Variants in MYPN observed in about 807,000 individuals in gnomAD.
MYPN encodes the protein sarcomeric protein myopalladin, 145 kDa (MYOP).
Under a neutral mutation model 129.4 loss-of-function variants are expected in MYPN, and 63 were observed. The ratio of observed to expected loss-of-function variants is 0.49; its 90% CI spans 0.40 to 0.60. MYPN has a LOEUF of 0.60. Ranked by LOEUF, MYPN falls within the 20% of genes least tolerant of loss-of-function variation. MYPN has a pLI of 0.00. For missense variants in MYPN, 1,596 were observed against 1,635.4 expected, an observed-to-expected ratio of 0.98 and a Z score of 0.42; for synonymous variants, 629 against 600.9, an observed-to-expected ratio of 1.05 and a Z score of -0.68.
At chr10:68,209,024 C>T (rs2043862763) in intron 19 of MYPN, among the ~76,000 whole-genome samples, 1 of 152,156 alleles carries the variant, frequency 6.6e-6, no homozygotes, top group South Asian at 2.1e-4. Flanking sequence ...TTTCTGAATT[C>T]ACTCAGAGGT....
rs1354222639 is a variant in MYPN, at chr10:68,211,707, T to C, written c.*1252T>C. ...AAATATTTGCTGGTTGAATGAATCT[T>C]CTGTTATTATGTCTATTATAAGATA... On this transcript the variant is annotated 3_prime_UTR_variant, in exon 20 of 20. Coordinates refer to ENST00000358913, the MANE Select transcript of MYPN (RefSeq NM_032578.4). 2.2e-6 allele frequency: 1 copy of C among 454,132 alleles called. No homozygotes were observed. Among genetic ancestry groups the C allele is most frequent in the Admixed American group, 2.3e-5 (1 of 42,578 alleles). The allele number at this position is 454,132 out of a possible 1,614,324, so 28.1% of individuals were successfully genotyped here. A position where few individuals can be genotyped will look rare whatever the true frequency, so the allele number is the denominator to read the frequency against.
chr10:68,196,052 G>T (rs1375976646), intron 15 of MYPN, among the ~76,000 whole-genome samples: 1 of 152,066 alleles, frequency 6.6e-6, no homozygotes, highest in Non-Finnish European at 1.5e-5. Flanking sequence ...CAATCCTCCT[G>T]CCTTGGCCTC....
intron 12 of MYPN, among the ~76,000 whole-genome samples, chr10:68,176,824 T>C (rs10823150): frequency 0.065 from 9,919 of 152,252 alleles, 397 homozygotes; most frequent in African/African-American, 0.1. Context: ...CTATGGTTTC[T>C]AGGATACTCT....
At chr10:68,091,483 C>T (rs2041931091) in intron 1 of MYPN, among the ~76,000 whole-genome samples, 2 of 147,390 alleles carry the variant, frequency 1.4e-5, no homozygotes, top group African/African-American at 2.5e-5. Context: ...CAACCTCCAG[C>T]TCCCAGGCTC....
intron 2 of MYPN, chr10:68,135,607 C>A: frequency 2.1e-6 from 1 of 475,028 alleles, no homozygotes; most frequent in Non-Finnish European, 2.7e-6. Flanking sequence ...TGGGCAAAGA[C>A]AATTAAAGGA....
At chr10:68,088,993 T>A (rs2041918731) in intron 1 of MYPN, among the ~76,000 whole-genome samples, 2 of 152,182 alleles carry the variant, frequency 1.3e-5, no homozygotes, top group South Asian at 4.1e-4. Context: ...ATATTTCACA[T>A]CAATGAAATC....
Position 68,206,848 on chromosome 10 carries a change from G to C in MYPN, c.3738G>C (p.Leu1246Phe), listed in dbSNP as rs777033322. Residue 1246 changes from leucine (L) to phenylalanine (F), a missense_variant, in exon 19 of 20, where the codon TTG becomes TTC. By Grantham distance (22) the Leu-to-Phe change is conservative. Coordinates refer to ENST00000358913, the MANE Select transcript of MYPN (RefSeq NM_032578.4). ...AATCAGACGCTGGATGGTACACGTT[G>C]TCAGCCAAGAATGAAGCCGGCATCG... is the stretch of plus-strand genomic sequence containing the variant. ...AKKSDAGWYT[L>F]SAKNEAGIVS... 1 of 1,614,104 alleles carries C rather than the reference G, an allele frequency of 6.2e-7. No individual in the cohort carries two copies.
chr10:68,187,581 A>C (rs79775398), intron 12 of MYPN, among the ~76,000 whole-genome samples: 4,713 of 152,220 alleles, frequency 0.031, 237 homozygotes, highest in African/African-American at 0.11. Context: ...GGGGACAGAA[A>C]TCAAGCATGT....
rs2043822771 is a variant in MYPN, at chr10:68,206,784, C to T, written c.3674C>T (p.Thr1225Ile). The T allele has an allele frequency of 1.2e-6, 2 of 1,614,040 alleles. No homozygotes were observed. Among genetic ancestry groups the T allele is most frequent in the African/African-American group, 1.3e-5 (1 of 74,924 alleles). Reference protein sequence around the residue: ...TRERISMHQDTTGYACLLIQP... With the variant: ...TRERISMHQDITGYACLLIQP... ...TTTTTCTCCAGTATGCACCAGGACA[C>T]AACAGGGTATGCCTGCCTTCTCATT... Residue 1225 changes from threonine to isoleucine, a missense_variant, in exon 19 of 20, where the codon ACA becomes ATA. Transcript: ENST00000358913.
At chr10:68,148,663 A>C (rs961818859) in intron 5 of MYPN, among the ~76,000 whole-genome samples, 196 bp downstream of exon 5, 1 of 152,144 alleles carries the variant, frequency 6.6e-6, no homozygotes, top group Admixed American at 6.5e-5. Flanking sequence ...CAATAGGCAA[A>C]TTTCTGAGGA....
chr10:68,123,534 A>AAC (rs2042281128), intron 2 of MYPN, among the ~76,000 whole-genome samples: 1 of 151,146 alleles, frequency 6.6e-6, no homozygotes, highest in African/African-American at 2.4e-5. Flanking sequence ...AAAAAAAAAA[A>AAC]AATTAGCCAA....
At chr10:68,113,001 C>T (rs2042102326) in intron 1 of MYPN, among the ~76,000 whole-genome samples, 2 of 152,290 alleles carry the variant, frequency 1.3e-5, no homozygotes, top group South Asian at 4.1e-4. Context: ...AGATACTTCT[C>T]TAGGGTGATA....
chr10:68,140,994 C>T (rs2042567419), intron 2 of MYPN, among the ~76,000 whole-genome samples: 1 of 152,118 alleles, frequency 6.6e-6, no homozygotes, highest in Middle Eastern at 3.2e-3. Flanking sequence ...ATCACCTGAG[C>T]CCGGGGAGGT....
chr10:68,167,518 A>G (rs2043073146), intron 10 of MYPN, among the ~76,000 whole-genome samples: 1 of 152,234 alleles, frequency 6.6e-6, no homozygotes, highest in African/African-American at 2.4e-5. Flanking sequence ...ATGTCCATCC[A>G]TAACAAAGCA....
chr10:68,121,400 A>G (rs2042238894), intron 1 of MYPN, 38 bp from the exon 2 acceptor site: 1 of 1,587,852 alleles, frequency 6.3e-7, no homozygotes. Flanking sequence ...ATTCCCTAGA[A>G]ATGATCCAAA....
In MYPN at chr10:68,199,244, G is replaced by A. The variant is rs193180981; in HGVS notation, c.3286-124G>A. On this transcript the variant is annotated intron_variant, in intron 16 of 19. Transcript: ENST00000358913. The stretch of plus-strand genomic sequence containing the variant: ...TTTCTCTCGATGCCCCTACAGAGAG[G>A]TTTCTCATCACTCCATGTTTTCTCT... 23 of 911,436 alleles carry A rather than the reference G, an allele frequency of 2.5e-5. 1 individual carries two copies. Among genetic ancestry groups the A allele is most frequent in the South Asian group, 1.4e-4 (10 of 71,014 alleles). The allele number at this position is 911,436 out of a possible 1,614,324, so 56.5% of individuals were successfully genotyped here.
Position 68,114,366 on chromosome 10 carries a change from G to C in MYPN, c.-2+4643G>C, listed in dbSNP as rs1237154212. 4 of 146,376 alleles carry C rather than the reference G, an allele frequency of 2.7e-5. No homozygotes were observed. The East Asian group carries it at 8.2e-4, about 30-fold the overall frequency. 9.1% of individuals were successfully genotyped at this position (146,376 alleles called of 1,614,324 possible). A position where few individuals can be genotyped will look rare whatever the true frequency, so the allele number is the denominator to read the frequency against. On this transcript the variant is annotated intron_variant, in intron 1 of 19. Coordinates refer to ENST00000358913, the MANE Select transcript of MYPN (RefSeq NM_032578.4). ...TTTTTTCTTTTTTTTTTTTTTGACG[G>C]AGTCTTGCTCTTTTGCCCAGACTGG...
intron 19 of MYPN, 32 bp downstream of exon 19, chr10:68,206,935 A>G (rs369189427): frequency 3.1e-6 from 5 of 1,613,762 alleles, no homozygotes; most frequent in Non-Finnish European, 4.2e-6. Context: ...GAACATCTGT[A>G]TGCAACTGAC....
At chr10:68,169,141 C>A (rs542459778) in intron 10 of MYPN, among the ~76,000 whole-genome samples, 326 of 137,274 alleles carry the variant, frequency 2.4e-3, no homozygotes, top group African/African-American at 8.9e-3. Flanking sequence ...TTCAGGAGAT[C>A]GAGACCATCC....
Sources: allele counts gnomAD v4.1 joint callset (sites outside exome capture counted in the v4.1 genomes callset), GRCh38; gene constraint gnomAD v4.1.1; transcripts MANE v1.5; gene names NCBI Gene and HGNC (gene_info 2026-07-23, HGNC 2026-07-21).